Variants in PXN observed in about 807,000 individuals in gnomAD.
PXN encodes testicular tissue protein Li 134.
Under a neutral mutation model 103.6 loss-of-function variants are expected in PXN, and 61 were observed. The observed-to-expected ratio is 0.59, with a 90% CI of 0.48 to 0.73. PXN has a LOEUF of 0.73. Among genes scored for constraint, PXN ranks in the 30% least tolerant of loss-of-function variants. The pLI is 0.00. For synonymous variants in PXN, 562 were observed against 607.8 expected, an observed-to-expected ratio of 0.92 and a Z score of 1.11; for missense variants, 1,274 against 1,460.3, an observed-to-expected ratio of 0.87 and a Z score of 2.08.
rs544809421 is a variant in PXN, at chr12:120,255,918, G to A, written c.13+9699C>T. On this transcript the variant is annotated intron_variant, in intron 1 of 14. Coordinates refer to ENST00000637617, the MANE Select transcript of PXN (RefSeq NM_001385981.1). ...TACAAAATTAGCCAGGTATGGTGGT[G>A]TGTGCCTGTAATCTCAGCTACTGCG... 6.6e-5 allele frequency among the ~76,000 whole-genome samples: 9 copies of A among 136,692 alleles called. No homozygotes were observed. In the South Asian group the frequency reaches 1.9e-3, roughly 29 times the overall value. The allele number at this position is 136,692 out of a possible 152,430, so 89.7% of individuals were successfully genotyped here.
chr12:120,240,845 A>C (rs1890022162), intron 1 of PXN, among the ~76,000 whole-genome samples: 1 of 152,216 alleles, frequency 6.6e-6, no homozygotes, highest in African/African-American at 2.4e-5. Flanking sequence ...AGTGTCAGGC[A>C]TAACAGTGCC....
At chr12:120,254,554 T>G (rs1391088709) in intron 1 of PXN, among the ~76,000 whole-genome samples, 1 of 152,106 alleles carries the variant, frequency 6.6e-6, no homozygotes, top group Admixed American at 6.6e-5. Flanking sequence ...CTTTTGTTTT[T>G]GTTTTGTTTT....
At chr12:120,260,825 G>A (rs535170565) in intron 1 of PXN, among the ~76,000 whole-genome samples, 2 of 152,254 alleles carry the variant, frequency 1.3e-5, no homozygotes, top group Non-Finnish European at 2.9e-5. Flanking sequence ...AAATTAGCGG[G>A]GCGTTACGGC....
Position 120,216,546 on chromosome 12 carries a change from TCTC to T in PXN, c.2025_2027del (p.Arg677del), listed in dbSNP as rs1883082773. 7 of 1,417,794 alleles carry T rather than the reference TCTC, an allele frequency of 4.9e-6. No homozygotes were observed. In the Admixed American group the frequency reaches 9.8e-5, roughly 20 times the overall value. 87.8% of individuals were successfully genotyped at this position (1,417,794 alleles called of 1,614,324 possible). On this transcript the variant is annotated inframe_deletion, in exon 9 of 15. Coordinates refer to ENST00000637617, the MANE Select transcript of PXN (RefSeq NM_001385981.1). The surrounding 1 kb of genome is among the most constrained non-coding windows in gnomAD (Gnocchi z 5.1). ...GAGAAGCCAGGACAGAGATGGTTCT[TCTC>T]AGGGGAATGGGAGAGCCAGGAGGGA...
rs1885570572 is a variant in PXN, at chr12:120,222,768, A to G, written c.494-18T>C. The G allele has an allele frequency of 1.9e-6, 3 of 1,600,624 alleles. No individual in the cohort carries two copies. The highest frequency in any genetic ancestry group is 1.3e-5 in the African/African-American group (1 of 74,494). Reference sequence around the variant, plus strand: ...GGCCTCATCTTGCAGAGAGGAGAGAAAAAGGCTGCTCAGCCCTTGAGCCCT... The same window carrying G: ...GGCCTCATCTTGCAGAGAGGAGAGAGAAAGGCTGCTCAGCCCTTGAGCCCT... On this transcript the variant is annotated intron_variant, in intron 4 of 14. Coordinates refer to ENST00000637617, the MANE Select transcript of PXN (RefSeq NM_001385981.1). This position sits in a 1 kb window ranked among gnomAD's most constrained non-coding sequence, Gnocchi z 4.7.
intron 1 of PXN, among the ~76,000 whole-genome samples, chr12:120,237,462 C>T (rs1270893153): frequency 2.6e-5 from 4 of 152,218 alleles, no homozygotes; most frequent in African/African-American, 7.2e-5. Context: ...CAGCCCCACC[C>T]GCATGTGTTC....
At chr12:120,241,536 T>G (rs1487312636) in intron 1 of PXN, among the ~76,000 whole-genome samples, 1 of 152,230 alleles carries the variant, frequency 6.6e-6, no homozygotes, top group Admixed American at 6.5e-5. Flanking sequence ...ACGGGCACTA[T>G]GCTGGGCATG....
rs757891043 is a variant in PXN at position 120,215,590 on chromosome 12, C to T, written c.2373G>A (p.Arg791=). ...CCTCGTCCTGCCCTCCGGGGCTGCT[C>T]CGCCCGCCGTCCCGAGGCCAGCCGG... ...WAAGWPRDGG[R]SSPGGQDEGG... is the part of the protein sequence containing the mutation. The change falls in exon 10 of 15, where the codon CGG becomes CGA. Residue 791 remains arginine, a synonymous_variant. Transcript: ENST00000637617. The surrounding 1 kb of genome is among the most constrained non-coding windows in gnomAD (Gnocchi z 4.9). The T allele has an allele frequency of 7.1e-5, 114 of 1,607,360 alleles. 4 individuals are homozygous for T. The South Asian group carries it at 1.2e-3, about 16-fold the overall frequency.
chr12:120,216,947 T>C lies in PXN; in HGVS notation c.1886A>G (p.Glu629Gly). 1 of 1,533,436 alleles carries C rather than the reference T, an allele frequency of 6.5e-7. No homozygotes were observed. Among genetic ancestry groups the C allele is most frequent in the Non-Finnish European group, 8.7e-7 (1 of 1,144,786 alleles). The allele number at this position is 1,533,436 out of a possible 1,614,324, so 95.0% of individuals were successfully genotyped here. Residue 629 changes from glutamate (E) to glycine (G), a missense_variant, in exon 8 of 15, where the codon GAG becomes GGG. By Grantham distance (98) the Glu-to-Gly change is moderately conservative. This residue lies in a region of PXN where 1,178 missense variants were observed against 1,309.0 expected (regional missense o/e 0.90). Coordinates refer to ENST00000637617, the MANE Select transcript of PXN (RefSeq NM_001385981.1). The surrounding 1 kb of genome is among the most constrained non-coding windows in gnomAD (Gnocchi z 5.1). ...GRLGIQPEAEEPAEAAGPSAQ... is the reference protein window; with the variant it reads ...GRLGIQPEAEGPAEAAGPSAQ... ...AGAGGGCCCCGCCGCCTCCGCCGGC[T>C]CCTCTGCCTCAGGCTGGATGCCCAG...
In PXN at chr12:120,216,644, G is replaced by A. The variant is rs1883123031; in HGVS notation, c.1993-63C>T. 5 of 1,550,564 alleles carry A rather than the reference G, an allele frequency of 3.2e-6. No individual in the cohort carries two copies. In the Admixed American group the frequency reaches 1.1e-4, roughly 34 times the overall value. On this transcript the variant is annotated intron_variant, in intron 8 of 14. Coordinates refer to ENST00000637617, the MANE Select transcript of PXN (RefSeq NM_001385981.1). This position sits in a 1 kb window ranked among gnomAD's most constrained non-coding sequence, Gnocchi z 5.1. ...ATCGCCAGCTCAGCCCACAGGGGTGGCGGGACCTCCCCAGGCTCCCCCTGG... is the reference window on the plus strand; with the variant it reads ...ATCGCCAGCTCAGCCCACAGGGGTGACGGGACCTCCCCAGGCTCCCCCTGG...
intron 1 of PXN, among the ~76,000 whole-genome samples, chr12:120,260,207 G>A (rs968185137): frequency 2.0e-5 from 3 of 152,166 alleles, no homozygotes; most frequent in African/African-American, 7.2e-5. Flanking sequence ...CTGAGTGTGT[G>A]TCCCCAAGAA....
Position 120,211,112 on chromosome 12 carries a change from G to A in PXN, c.*1202C>T, listed in dbSNP as rs1366059616. 1 of 152,274 alleles carries A rather than the reference G, an allele frequency of 6.6e-6. No individual in the cohort carries two copies. Among genetic ancestry groups the A allele is most frequent in the African/African-American group, 2.4e-5 (1 of 41,452 alleles). The allele number at this position is 152,274 out of a possible 1,614,324, so 9.4% of individuals were successfully genotyped here. On this transcript the variant is annotated 3_prime_UTR_variant, in exon 15 of 15. Transcript: ENST00000637617. The stretch of plus-strand genomic sequence containing the variant: ...AAGCAGTGGGGGCTCAGAAGGTTCA[G>A]TGGGTTCACAGGGGAGCAGAGGCTC...
rs777078467 is a variant in PXN, at chr12:120,228,881, G to A, written c.14-4504C>T. On this transcript the variant is annotated intron_variant, in intron 1 of 14. Transcript: ENST00000637617. The surrounding 1 kb of genome is among the most constrained non-coding windows in gnomAD (Gnocchi z 4.7). The stretch of plus-strand genomic sequence containing the variant: ...AGCTGCAGCTTTGGGTCGGGAGGCC[G>A]CCCTGGGGCAGGTGGCTGGGCAGAA... 4.6e-5 allele frequency among the ~76,000 whole-genome samples: 7 copies of A among 152,214 alleles called. No individual in the cohort carries two copies. Among genetic ancestry groups the A allele is most frequent in the Non-Finnish European group, 1.0e-4 (7 of 68,022 alleles).
chr12:120,217,153 C>T lies in PXN; in HGVS notation c.1717-37G>A. The T allele has an allele frequency of 6.6e-7, 1 of 1,507,478 alleles. No homozygotes were observed. The highest frequency in any genetic ancestry group is 9.0e-7 in the Non-Finnish European group (1 of 1,114,864). The allele number at this position is 1,507,478 out of a possible 1,614,324, so 93.4% of individuals were successfully genotyped here. On this transcript the variant is annotated intron_variant, in intron 7 of 14. Transcript: ENST00000637617. The surrounding 1 kb of genome is among the most constrained non-coding windows in gnomAD (Gnocchi z 4.1). Reference sequence around the variant, plus strand: ...GGGAGGGGAGGCTGTCACCGTCCCACTCCCAGCTTGCACAACGCTGCTCAG... The same window carrying T: ...GGGAGGGGAGGCTGTCACCGTCCCATTCCCAGCTTGCACAACGCTGCTCAG...
chr12:120,214,969 G>A lies in PXN; in HGVS notation c.2604C>T (p.His868=), dbSNP rs1882145929. 4 of 1,613,822 alleles carry A rather than the reference G, an allele frequency of 2.5e-6. No individual in the cohort carries two copies. In the South Asian group the frequency reaches 4.4e-5, roughly 18 times the overall value. ...AGTGGGTGCAGACGAAGTGCTCGGG[G>A]TGCCACGTCTTCCCCATGGCGGTCA... The part of the protein sequence containing the change: ...QVVTAMGKTW[H]PEHFVCTHCQ... Residue 868 remains histidine, a synonymous_variant, in exon 12 of 15, where the codon CAC becomes CAT. Transcript: ENST00000637617. This position sits in a 1 kb window ranked among gnomAD's most constrained non-coding sequence, Gnocchi z 5.0.
chr12:120,224,947 G>A lies in PXN; in HGVS notation c.14-570C>T, dbSNP rs539760526. ...TCTAGGCTTATGGGGTAAGGTGTGCGGGGAGGTGGGGGCTGGAGTGAGGCT... is the reference window on the plus strand; with the variant it reads ...TCTAGGCTTATGGGGTAAGGTGTGCAGGGAGGTGGGGGCTGGAGTGAGGCT... On this transcript the variant is annotated intron_variant, in intron 1 of 14. Coordinates refer to ENST00000637617, the MANE Select transcript of PXN (RefSeq NM_001385981.1). This position sits in a 1 kb window ranked among gnomAD's most constrained non-coding sequence, Gnocchi z 5.0. The A allele has an allele frequency of 1.1e-5, 4 of 349,580 alleles. No homozygotes were observed. The highest frequency in any genetic ancestry group is 8.6e-5 in the African/African-American group (4 of 46,600). 21.7% of individuals were successfully genotyped at this position (349,580 alleles called of 1,614,324 possible). A position where few individuals can be genotyped will look rare whatever the true frequency, so the allele number is the denominator to read the frequency against.
In PXN at chr12:120,222,472, CT is replaced by C; in HGVS notation, c.695+76del. 6.9e-7 allele frequency: 1 copy of C among 1,444,032 alleles called. No homozygotes were observed. The highest frequency in any genetic ancestry group is 1.3e-5 in the South Asian group (1 of 74,106). The allele number at this position is 1,444,032 out of a possible 1,614,324, so 89.5% of individuals were successfully genotyped here. ...CGGGAGGGAGTGGGTGATACCAGGG[CT>C]AAGGGGACAGACACTGGACCCGGGG... On this transcript the variant is annotated intron_variant, in intron 5 of 14. Transcript: ENST00000637617. This position sits in a 1 kb window ranked among gnomAD's most constrained non-coding sequence, Gnocchi z 4.7.
In PXN at chr12:120,217,507, T is replaced by C. The variant is rs1883560289; in HGVS notation, c.1717-391A>G. On this transcript the variant is annotated intron_variant, in intron 7 of 14. Transcript: ENST00000637617. The surrounding 1 kb of genome is among the most constrained non-coding windows in gnomAD (Gnocchi z 4.1). ...AATTATTCCAGAGGATGTAAGTGCATGCCCTTGACAAGGCATACGGCTTTT... is the reference window on the plus strand; with the variant it reads ...AATTATTCCAGAGGATGTAAGTGCACGCCCTTGACAAGGCATACGGCTTTT... Among the ~76,000 whole-genome samples the C allele has an allele frequency of 6.6e-6, 1 of 152,234 alleles. No individual in the cohort carries two copies. Among genetic ancestry groups the C allele is most frequent in the Non-Finnish European group, 1.5e-5 (1 of 68,046 alleles).
At chr12:120,253,310 T>C (rs1226046225) in intron 1 of PXN, among the ~76,000 whole-genome samples, 1 of 151,982 alleles carries the variant, frequency 6.6e-6, no homozygotes, top group Non-Finnish European at 1.5e-5. Flanking sequence ...CCGTCTCTAC[T>C]AAAAATATGA....
Sources: gnomAD v4.1 joint callset for allele counts (sites outside exome capture counted in the v4.1 genomes callset) on GRCh38, gnomAD v4.1.1 for gene constraint, gnomAD v4.1.1 regional missense constraint, Gnocchi (gnomAD v3.1) non-coding constraint, MANE v1.5 for transcripts, NCBI Gene and HGNC (gene_info 2026-07-23, HGNC 2026-07-21) for gene names.